The following IER5 variants were observed in gnomAD, a reference collection of about 807,000 sequenced individuals.
The protein encoded by IER5 is immediate early response gene 5 protein.
In IER5, 3 loss-of-function variants were observed where a neutral mutation model predicts 8.2. The observed-to-expected ratio is 0.36, with a 90% CI of 0.17 to 0.94. The LOEUF is 0.94. Among genes scored for constraint, IER5 ranks in the 40% least tolerant of loss-of-function variants. The probability of loss-of-function intolerance (pLI) is 0.43; values close to 1 mark genes in which losing one functional copy is unlikely to be tolerated. For missense variants in IER5, 531 were observed against 494.3 expected, an observed-to-expected ratio of 1.07 and a Z score of -0.70; for synonymous variants, 286 against 230.1, an observed-to-expected ratio of 1.24 and a Z score of -2.20.
At position 181,090,489 on chromosome 1, in the gene IER5, C is replaced by T. The variant is rs780177301; in HGVS notation, c.*603C>T. 2 of 167,434 alleles carry T rather than the reference C, an allele frequency of 1.2e-5. No individual in the cohort carries two copies. The highest frequency in any genetic ancestry group is 2.4e-5 in the African/African-American group (1 of 41,416). 10.4% of individuals were successfully genotyped at this position (167,434 alleles called of 1,614,324 possible). ...TCCTGTGATTACTCTAGGAAAGGGG[C>T]GTATTAACGGTCCTTTGCTTCCCCG... On this transcript the variant is annotated 3_prime_UTR_variant, in exon 1 of 1. Transcript: ENST00000367577.
At position 181,090,145 on chromosome 1, in the gene IER5, A is replaced by C; in HGVS notation, c.*259A>C. The stretch of plus-strand genomic sequence containing the variant: ...TGTGTATGTAAGTTTGTCTTGTGGC[A>C]TTAAGACTATTTTGCTCTTCTGGAA... On this transcript the variant is annotated 3_prime_UTR_variant, in exon 1 of 1. Transcript: ENST00000367577. The C allele has an allele frequency of 1.8e-6, 1 of 550,170 alleles. No individual in the cohort carries two copies. Among genetic ancestry groups the C allele is most frequent in the African/African-American group, 1.9e-5 (1 of 51,972 alleles). 34.1% of individuals were successfully genotyped at this position (550,170 alleles called of 1,614,324 possible).
chr1:181,090,010 G>C lies in IER5; in HGVS notation c.*124G>C, dbSNP rs576568510. 1 of 1,304,796 alleles carries C rather than the reference G, an allele frequency of 7.7e-7. No homozygotes were observed. Among genetic ancestry groups the C allele is most frequent in the Non-Finnish European group, 1.1e-6 (1 of 950,630 alleles). 80.8% of individuals were successfully genotyped at this position (1,304,796 alleles called of 1,614,324 possible). A position where few individuals can be genotyped will look rare whatever the true frequency, so the allele number is the denominator to read the frequency against. On this transcript the variant is annotated 3_prime_UTR_variant, in exon 1 of 1. Coordinates refer to ENST00000367577, the MANE Select transcript of IER5 (RefSeq NM_016545.5). ...GCTGAGCGCGTTGGGCAGACTGGTT[G>C]CCTCTGGGCATCGCAAACTGCCCCC...
In IER5 at chr1:181,088,996, A is replaced by G; in HGVS notation, c.94A>G (p.Lys32Glu). 1.2e-6 allele frequency: 2 copies of G among 1,613,382 alleles called. No homozygotes were observed. Among genetic ancestry groups the G allele is most frequent in the Non-Finnish European group, 8.5e-7 (1 of 1,179,834 alleles). Residue 32 changes from lysine to glutamate, a missense_variant, in exon 1 of 1, where the codon AAG (lysine) becomes GAG (glutamate). Coordinates refer to ENST00000367577, the MANE Select transcript of IER5 (RefSeq NM_016545.5). ...RVQRGGIKLHKNLLVSLVLRS... is the reference protein window; with the variant it reads ...RVQRGGIKLHENLLVSLVLRS... ...CCAGCGCGGCGGCATCAAGCTGCAT[A>G]AGAACCTCCTGGTCTCGCTGGTGCT...
chr1:181,089,605 G>C lies in IER5; in HGVS notation c.703G>C (p.Gly235Arg). ...CGGCCCAGCGGGCTGCCCGGCGCCC[G>C]GCTCGACCCCGCTCAAGAAGCCCCG... ...GGGPAGCPAPGSTPLKKPRRN... is the reference protein window; with the variant it reads ...GGGPAGCPAPRSTPLKKPRRN... Residue 235 changes from glycine to arginine, a missense_variant, in exon 1 of 1, where the codon GGC becomes CGC. Transcript: ENST00000367577. 6.2e-7 allele frequency: 1 copy of C among 1,605,968 alleles called. No individual in the cohort carries two copies.
Position 181,089,345 on chromosome 1 carries a change from G to A in IER5, c.443G>A (p.Arg148His), listed in dbSNP as rs1659409855. 6.6e-7 allele frequency: 1 copy of A among 1,520,356 alleles called. No individual in the cohort carries two copies. The highest frequency in any genetic ancestry group is 8.8e-7 in the Non-Finnish European group (1 of 1,135,324). The allele number at this position is 1,520,356 out of a possible 1,614,324, so 94.2% of individuals were successfully genotyped here. A position where few individuals can be genotyped will look rare whatever the true frequency, so the allele number is the denominator to read the frequency against. The part of the protein sequence containing the change: ...EAAWSRVEGP[R>H]QAAAREAEGT... Reference sequence around the variant, plus strand: ...GCCTGGAGCCGCGTGGAGGGGCCGCGCCAGGCGGCGGCCAGAGAAGCCGAG... The same window carrying A: ...GCCTGGAGCCGCGTGGAGGGGCCGCACCAGGCGGCGGCCAGAGAAGCCGAG... The change falls in exon 1 of 1, where the codon CGC becomes CAC. Residue 148 changes from arginine (R) to histidine (H), a missense_variant. Physicochemically the swap from Arg to His is conservative, Grantham distance 29. Coordinates refer to ENST00000367577, the MANE Select transcript of IER5 (RefSeq NM_016545.5).
chr1:181,090,757 G>C lies in IER5; in HGVS notation c.*871G>C, dbSNP rs41268464. 89 of 166,674 alleles carry C rather than the reference G, an allele frequency of 5.3e-4. No homozygotes were observed. The highest frequency in any genetic ancestry group is 1.1e-3 in the Non-Finnish European group (78 of 68,082). 10.3% of individuals were successfully genotyped at this position (166,674 alleles called of 1,614,324 possible). On this transcript the variant is annotated 3_prime_UTR_variant, in exon 1 of 1. Coordinates refer to ENST00000367577, the MANE Select transcript of IER5 (RefSeq NM_016545.5). ...GGGGAGCTGATAAGGTTTTTGTACAGTATTTTCTCCTTCGTTGTATTGATT... is the reference window on the plus strand; with the variant it reads ...GGGGAGCTGATAAGGTTTTTGTACACTATTTTCTCCTTCGTTGTATTGATT...
chr1:181,089,048 G>A lies in IER5; in HGVS notation c.146G>A (p.Ser49Asn). 1 of 1,607,298 alleles carries A rather than the reference G, an allele frequency of 6.2e-7. No homozygotes were observed. Among genetic ancestry groups the A allele is most frequent in the Non-Finnish European group, 8.5e-7 (1 of 1,177,626 alleles). ...VLRSARQVYL[S>N]DPCPGLYLAG... ...CGCAGCGCCCGCCAAGTCTACCTGA[G>A]CGACCCGTGCCCCGGCCTCTACCTG... is the stretch of plus-strand genomic sequence containing the variant. Residue 49 changes from serine to asparagine, a missense_variant, in exon 1 of 1, where the codon AGC (serine) becomes AAC (asparagine). Ser to Asn is a conservative substitution (Grantham distance 46). Transcript: ENST00000367577.
At position 181,089,180 on chromosome 1, in the gene IER5, C is replaced by T. The variant is rs775348820; in HGVS notation, c.278C>T (p.Ala93Val). 89 of 1,495,314 alleles carry T rather than the reference C, an allele frequency of 6.0e-5. No homozygotes were observed. Among genetic ancestry groups the T allele is most frequent in the Non-Finnish European group, 7.8e-5 (87 of 1,122,328 alleles). 92.6% of individuals were successfully genotyped at this position (1,495,314 alleles called of 1,614,324 possible). The change falls in exon 1 of 1, where the codon GCC (alanine) becomes GTC (valine). Residue 93 changes from alanine to valine, a missense_variant. By Grantham distance (64) the Ala-to-Val change is moderately conservative. Transcript: ENST00000367577. ...GAGCCGCCCCCGCCCGCCGCTCGTG[C>T]CTCTTGGCCGGAGACCGAGCCGCAG... is the stretch of plus-strand genomic sequence containing the variant. The part of the protein sequence containing the change: ...WGEPPPPAAR[A>V]SWPETEPQPE...
Position 181,089,468 on chromosome 1 carries a change from C to T in IER5, c.566C>T (p.Pro189Leu). ...GGCGGGGAGGACCCGCCGGGTACAC[C>T]GGCCGCGACCCCCCGCGCTGCCTGC... ...PLGGEDPPGTPAATPRAACCC... is the reference protein window; with the variant it reads ...PLGGEDPPGTLAATPRAACCC... Residue 189 changes from proline to leucine, a missense_variant, in exon 1 of 1, where the codon CCG becomes CTG. Transcript: ENST00000367577. 1 of 1,350,448 alleles carries T rather than the reference C, an allele frequency of 7.4e-7. No individual in the cohort carries two copies. The highest frequency in any genetic ancestry group is 1.8e-5 in the South Asian group (1 of 55,706). 83.7% of individuals were successfully genotyped at this position (1,350,448 alleles called of 1,614,324 possible).
chr1:181,088,743 G>C lies in IER5; in HGVS notation c.-160G>C, dbSNP rs573088420. The stretch of plus-strand genomic sequence containing the variant: ...AAACGGGGAAGTTGTCTTGTTTGGA[G>C]AGGTTAGTAGAGCAGCGCGCGCGTC... On this transcript the variant is annotated 5_prime_UTR_variant, in exon 1 of 1. Coordinates refer to ENST00000367577, the MANE Select transcript of IER5 (RefSeq NM_016545.5). 5 of 573,690 alleles carry C rather than the reference G, an allele frequency of 8.7e-6. No homozygotes were observed. The South Asian group carries it at 1.0e-4, about 12-fold the overall frequency. The allele number at this position is 573,690 out of a possible 1,614,324, so 35.5% of individuals were successfully genotyped here.
Position 181,089,314 on chromosome 1 carries a change from G to A in IER5, c.412G>A (p.Glu138Lys). Residue 138 changes from glutamate (E) to lysine (K), a missense_variant, in exon 1 of 1, where the codon GAA (glutamate) becomes AAA (lysine). Coordinates refer to ENST00000367577, the MANE Select transcript of IER5 (RefSeq NM_016545.5). ...VFQGGEADAT[E>K]AAWSRVEGPR... is the part of the protein sequence containing the mutation. ...TCAGGGCGGAGAGGCGGACGCGACG[G>A]AAGCTGCCTGGAGCCGCGTGGAGGG... 6.5e-7 allele frequency: 1 copy of A among 1,549,222 alleles called. No homozygotes were observed. Among genetic ancestry groups the A allele is most frequent in the South Asian group, 1.2e-5 (1 of 84,058 alleles).
In IER5 at chr1:181,089,701, G is replaced by C; in HGVS notation, c.799G>C (p.Ala267Pro). 6.2e-7 allele frequency: 1 copy of C among 1,613,690 alleles called. No individual in the cohort carries two copies. Among genetic ancestry groups the C allele is most frequent in the Non-Finnish European group, 8.5e-7 (1 of 1,179,990 alleles). ...DAEEMETGNV[A>P]NLISIFGSSF... ...GGAGGAGATGGAGACCGGGAACGTG[G>C]CTAACCTCATCAGCATCTTCGGTTC... The change falls in exon 1 of 1, where the codon GCT becomes CCT. Residue 267 changes from alanine (A) to proline (P), a missense_variant. Transcript: ENST00000367577.
Position 181,091,755 on chromosome 1 carries a change from C to G in IER5, c.*1869C>G, listed in dbSNP as rs781199891. ...GATGGTACTGGTTTCTAACAACTTA[C>G]GAGTATATAGGGTATTTAAAAGATG... On this transcript the variant is annotated 3_prime_UTR_variant, in exon 1 of 1. Coordinates refer to ENST00000367577, the MANE Select transcript of IER5 (RefSeq NM_016545.5). The G allele has an allele frequency of 1.3e-5, 2 of 152,052 alleles. No individual in the cohort carries two copies. The highest frequency in any genetic ancestry group is 6.6e-5 in the Admixed American group (1 of 15,262). 9.4% of individuals were successfully genotyped at this position (152,052 alleles called of 1,614,324 possible). A position where few individuals can be genotyped will look rare whatever the true frequency, so the allele number is the denominator to read the frequency against.
Position 181,089,283 on chromosome 1 carries a change from C to T in IER5, c.381C>T (p.Asp127=), listed in dbSNP as rs755757124. The part of the protein sequence containing the change: ...VPVATVTGVG[D]VFQGGEADAT... ...TGGCCACGGTGACTGGAGTCGGGGACGTTTTTCAGGGCGGAGAGGCGGACG... is the reference window on the plus strand; with the variant it reads ...TGGCCACGGTGACTGGAGTCGGGGATGTTTTTCAGGGCGGAGAGGCGGACG... Residue 127 remains aspartate, a synonymous_variant, in exon 1 of 1, where the codon GAC becomes GAT. Transcript: ENST00000367577. The T allele has an allele frequency of 3.2e-6, 5 of 1,558,652 alleles. No homozygotes were observed. The highest frequency in any genetic ancestry group is 1.9e-5 in the Admixed American group (1 of 53,906).
Position 181,089,439 on chromosome 1 carries a change from C to T in IER5, c.537C>T (p.Pro179=), listed in dbSNP as rs1392693593. The change falls in exon 1 of 1, where the codon CCC becomes CCT. Residue 179 remains proline (P), a synonymous_variant. Coordinates refer to ENST00000367577, the MANE Select transcript of IER5 (RefSeq NM_016545.5). ...SRAARRPCGC[P]LGGEDPPGTP... ...CCGCGCGCCGCCCCTGCGGCTGCCC[C>T]CTAGGCGGGGAGGACCCGCCGGGTA... is the stretch of plus-strand genomic sequence containing the variant. 1.0e-5 allele frequency: 14 copies of T among 1,385,266 alleles called. No individual in the cohort carries two copies. The highest frequency in any genetic ancestry group is 6.1e-5 in the African/African-American group (4 of 66,042). 85.8% of individuals were successfully genotyped at this position (1,385,266 alleles called of 1,614,324 possible).
In IER5 at chr1:181,088,800, G is replaced by T; in HGVS notation, c.-103G>T. 4 of 927,060 alleles carry T rather than the reference G, an allele frequency of 4.3e-6. No individual in the cohort carries two copies. Among genetic ancestry groups the T allele is most frequent in the South Asian group, 1.4e-5 (1 of 73,202 alleles). 57.4% of individuals were successfully genotyped at this position (927,060 alleles called of 1,614,324 possible). A position where few individuals can be genotyped will look rare whatever the true frequency, so the allele number is the denominator to read the frequency against. On this transcript the variant is annotated 5_prime_UTR_variant, in exon 1 of 1. Transcript: ENST00000367577. Reference sequence around the variant, plus strand: ...GTCGTTTCTCTTCGGAGTCTTAGGTGATCGAGGGTGTGCCCAGGGGGCGGA... The same window carrying T: ...GTCGTTTCTCTTCGGAGTCTTAGGTTATCGAGGGTGTGCCCAGGGGGCGGA...
rs1250744903 is a variant in IER5 at position 181,091,133 on chromosome 1, G to T, written c.*1247G>T. On this transcript the variant is annotated 3_prime_UTR_variant, in exon 1 of 1. Transcript: ENST00000367577. ...TAGACCAATTTGTCACCCAATATGT[G>T]GGTGTCTAATACTAAGTAATTTAAC... The T allele has an allele frequency of 6.6e-6, 1 of 152,108 alleles. No homozygotes were observed. The highest frequency in any genetic ancestry group is 1.5e-5 in the Non-Finnish European group (1 of 68,040). 9.4% of individuals were successfully genotyped at this position (152,108 alleles called of 1,614,324 possible).
Position 181,089,488 on chromosome 1 carries a change from G to C in IER5, c.586G>C (p.Ala196Pro). ...PGTPAATPRA[A>P]CCCAPQPAED... Reference sequence around the variant, plus strand: ...TACACCGGCCGCGACCCCCCGCGCTGCCTGCTGCTGCGCGCCGCAACCAGC... The same window carrying C: ...TACACCGGCCGCGACCCCCCGCGCTCCCTGCTGCTGCGCGCCGCAACCAGC... Residue 196 changes from alanine to proline, a missense_variant, in exon 1 of 1, where the codon GCC (alanine) becomes CCC (proline). Ala to Pro is a conservative substitution (Grantham distance 27, BLOSUM62 -1). Transcript: ENST00000367577. 7.5e-7 allele frequency: 1 copy of C among 1,327,080 alleles called. No individual in the cohort carries two copies. Among genetic ancestry groups the C allele is most frequent in the South Asian group, 2.0e-5 (1 of 49,542 alleles). 82.2% of individuals were successfully genotyped at this position (1,327,080 alleles called of 1,614,324 possible).
chr1:181,089,358 C>CAG lies in IER5; in HGVS notation c.460_461dup (p.Ala155LysfsTer27). The CAG allele has an allele frequency of 6.6e-7, 1 of 1,511,470 alleles. No individual in the cohort carries two copies. The highest frequency in any genetic ancestry group is 2.7e-5 in the East Asian group (1 of 36,382). The allele number at this position is 1,511,470 out of a possible 1,614,324, so 93.6% of individuals were successfully genotyped here. A position where few individuals can be genotyped will look rare whatever the true frequency, so the allele number is the denominator to read the frequency against. ...TGGAGGGGCCGCGCCAGGCGGCGGC[C>CAG]AGAGAAGCCGAGGGTACCGCCGGAG... On this transcript the variant is annotated frameshift_variant, in exon 1 of 1. Coordinates refer to ENST00000367577, the MANE Select transcript of IER5 (RefSeq NM_016545.5). LOFTEE classifies it low-confidence loss of function (END_TRUNC).
Sources: allele counts gnomAD v4.1 joint callset, GRCh38; gene constraint gnomAD v4.1.1; transcripts MANE v1.5; gene names NCBI Gene and HGNC (gene_info 2026-07-23, HGNC 2026-07-21).